Variants in CTSS observed in about 807,000 individuals in gnomAD.
CTSS encodes the protein cathepsin S.
Under a neutral mutation model 39.9 loss-of-function variants are expected in CTSS, and 15 were observed. The observed-to-expected ratio is 0.38, with a 90% CI of 0.25 to 0.58. CTSS has a LOEUF of 0.58. Among genes scored for constraint, CTSS ranks in the 20% least tolerant of loss-of-function variants. The pLI is 0.70. For missense variants in CTSS, 250 were observed against 398.2 expected, an observed-to-expected ratio of 0.63 and a Z score of 3.17; for synonymous variants, 126 against 138.2, an observed-to-expected ratio of 0.91 and a Z score of 0.62.
At chr1:150,757,580 GTAATACTTTCTAGAA>G (rs1653159102) in intron 3 of CTSS, among the ~76,000 whole-genome samples, 1 of 151,316 alleles carries the variant, frequency 6.6e-6, no homozygotes, top group South Asian at 2.1e-4. Flanking sequence ...TAGTCTTTAG[GTAATACTTTCTAGAA>G]TTTATTAAAA....
chr1:150,756,709 T>C (rs1397482956), intron 3 of CTSS, among the ~76,000 whole-genome samples: 1 of 71,870 alleles, frequency 1.4e-5, no homozygotes, highest in Non-Finnish European at 3.0e-5. Flanking sequence ...TCTTTCTTTC[T>C]TTTTTTTTTT....
At chr1:150,762,817 T>C (rs2101928355) in intron 2 of CTSS, among the ~76,000 whole-genome samples, 1 of 152,264 alleles carries the variant, frequency 6.6e-6, no homozygotes. Flanking sequence ...CATACACTTT[T>C]AGTAGGAATG....
intron 2 of CTSS, among the ~76,000 whole-genome samples, chr1:150,761,769 T>C (rs1653270544): frequency 6.6e-6 from 1 of 151,462 alleles, no homozygotes; most frequent in African/African-American, 2.4e-5. Context: ...AAGAAAGAAA[T>C]TTAAGATAAA....
At chr1:150,733,374 T>A (rs1207500750) in intron 7 of CTSS, among the ~76,000 whole-genome samples, 1 of 152,202 alleles carries the variant, frequency 6.6e-6, no homozygotes, top group Admixed American at 6.5e-5. Context: ...TAAGGAAAAC[T>A]ATAGTAAGAT....
intron 7 of CTSS, among the ~76,000 whole-genome samples, chr1:150,736,262 G>A (rs1383557268): frequency 6.6e-6 from 1 of 152,106 alleles, no homozygotes; most frequent in African/African-American, 2.4e-5. Context: ...CCTGTGAGGT[G>A]AATATTATCT....
At chr1:150,745,703 G>A (rs73008818) in intron 7 of CTSS, among the ~76,000 whole-genome samples, 4,791 of 152,044 alleles carry the variant, frequency 0.032, 267 homozygotes, top group African/African-American at 0.11. Context: ...AGACAGAAAT[G>A]CATACAGGGA....
rs1004907605 is a variant in CTSS, at chr1:150,737,223, C to G, written c.897-4078G>C. 2.6e-5 allele frequency among the ~76,000 whole-genome samples: 4 copies of G among 152,152 alleles called. No individual in the cohort carries two copies. The East Asian group carries it at 7.7e-4, about 29-fold the overall frequency. ...GTTCAAGTGATTCTCCTGCCTCAGC[C>G]TCCTGAGTAGCTGGGATTACAGGCG... On this transcript the variant is annotated intron_variant, in intron 7 of 7. Transcript: ENST00000368985.
chr1:150,733,230 T>A, intron 7 of CTSS, 85 bp from the exon 8 acceptor site: 1 of 998,232 alleles, frequency 1.0e-6, no homozygotes, highest in Non-Finnish European at 1.5e-6. Flanking sequence ...TTTTCTCCTA[T>A]AAGTGATTAC....
intron 7 of CTSS, among the ~76,000 whole-genome samples, chr1:150,740,562 T>G (rs1652728530): frequency 6.6e-6 from 1 of 151,966 alleles, no homozygotes; most frequent in Admixed American, 6.6e-5. Flanking sequence ...GGCTAATTTT[T>G]TTTGTATTTT....
Position 150,751,927 on chromosome 1 carries a change from A to C in CTSS, c.481T>G (p.Ser161Ala). The C allele has an allele frequency of 6.2e-7, 1 of 1,614,170 alleles. No individual in the cohort carries two copies. Among genetic ancestry groups the C allele is most frequent in the Non-Finnish European group, 8.5e-7 (1 of 1,180,038 alleles). The change falls in exon 5 of 8, where the codon TCT (serine) becomes GCT (alanine). Residue 161 changes from serine to alanine, a missense_variant. Coordinates refer to ENST00000368985, the MANE Select transcript of CTSS (RefSeq NM_004079.5). ...QLKLKTGKLV[S>A]LSAQNLVDCS... ...TCCACCAGGTTCTGGGCACTGAGAG[A>C]CACCAGCTTTCCTGTTTTCAGCTTC...
intron 2 of CTSS, among the ~76,000 whole-genome samples, chr1:150,763,966 A>G (rs1488154770): frequency 6.6e-6 from 1 of 151,970 alleles, no homozygotes; most frequent in Non-Finnish European, 1.5e-5. Flanking sequence ...CTCTGCTCAA[A>G]TGGCACCCTT....
At chr1:150,755,997 T>C (rs1653117163) in intron 3 of CTSS, among the ~76,000 whole-genome samples, 1 of 152,228 alleles carries the variant, frequency 6.6e-6, no homozygotes, top group Admixed American at 6.5e-5. Context: ...AAATGTTTTG[T>C]CTTCTATGGT....
At chr1:150,761,458 G>C (rs937968801) in intron 2 of CTSS, among the ~76,000 whole-genome samples, 1 of 152,104 alleles carries the variant, frequency 6.6e-6, no homozygotes, top group Admixed American at 6.6e-5. Context: ...TAGGCCGGGC[G>C]TGGTGGCTCA....
At chr1:150,743,370 A>G (rs1652808370) in intron 7 of CTSS, among the ~76,000 whole-genome samples, 1 of 151,380 alleles carries the variant, frequency 6.6e-6, no homozygotes, top group Non-Finnish European at 1.5e-5. Flanking sequence ...CCTCTTCAAC[A>G]GTCCCATAGC....
chr1:150,732,604 A>G lies in CTSS; in HGVS notation c.*442T>C, dbSNP rs55667933. 27 of 153,238 alleles carry G rather than the reference A, an allele frequency of 1.8e-4. No individual in the cohort carries two copies. Among genetic ancestry groups the G allele is most frequent in the Non-Finnish European group, 2.8e-4 (19 of 68,674 alleles). 9.5% of individuals were successfully genotyped at this position (153,238 alleles called of 1,614,324 possible). A position where few individuals can be genotyped will look rare whatever the true frequency, so the allele number is the denominator to read the frequency against. On this transcript the variant is annotated 3_prime_UTR_variant, in exon 8 of 8. Transcript: ENST00000368985. Reference sequence around the variant, plus strand: ...ATTTAAAAAAATGAAGAATCAAACTATATTTTCTTTTCTGTTTTTTTGAAA... The same window carrying G: ...ATTTAAAAAAATGAAGAATCAAACTGTATTTTCTTTTCTGTTTTTTTGAAA...
At chr1:150,734,274 G>T (rs1223531863) in intron 7 of CTSS, among the ~76,000 whole-genome samples, 1 of 151,774 alleles carries the variant, frequency 6.6e-6, no homozygotes, top group African/African-American at 2.4e-5. Context: ...TGATCTACCC[G>T]CCTCAGGCTC....
chr1:150,746,969 T>C (rs1022783106), intron 7 of CTSS, among the ~76,000 whole-genome samples: 3 of 151,996 alleles, frequency 2.0e-5, no homozygotes, highest in Admixed American at 6.6e-5. Flanking sequence ...GGCAGCAGTA[T>C]GAAAGATGGA....
intron 3 of CTSS, 144 bp downstream of exon 3, chr1:150,757,714 T>C (rs1653162955): frequency 3.0e-6 from 2 of 663,312 alleles, no homozygotes; most frequent in Admixed American, 3.3e-5. Context: ...TACACGTTCT[T>C]ACGTCCTTCA....
At chr1:150,737,291 G>A (rs779414047) in intron 7 of CTSS, among the ~76,000 whole-genome samples, 1 of 152,048 alleles carries the variant, frequency 6.6e-6, no homozygotes, top group Non-Finnish European at 1.5e-5. Flanking sequence ...TAGTAGAGAT[G>A]GAGTGTCTCC....
Sources: allele counts gnomAD v4.1 joint callset (sites outside exome capture counted in the v4.1 genomes callset), GRCh38; gene constraint gnomAD v4.1.1; transcripts MANE v1.5; gene names NCBI Gene and HGNC (gene_info 2026-07-23, HGNC 2026-07-21).